The following DPP10 variants were observed in gnomAD, a reference collection of about 807,000 sequenced individuals.
DPP10 encodes dipeptidyl peptidase like 10, also known as inactive dipeptidyl peptidase 10.
Under a neutral mutation model 120.9 loss-of-function variants are expected in DPP10, and 33 were observed. That is an observed-to-expected ratio of 0.27 (90% CI 0.21 to 0.37). The LOEUF (loss-of-function observed/expected upper bound fraction) is 0.37, where lower values mean the gene tolerates loss of function less well. Ranked by LOEUF, DPP10 falls within the 10% of genes least tolerant of loss-of-function variation. The pLI is 1.00. For synonymous variants in DPP10, 337 were observed against 326.1 expected, an observed-to-expected ratio of 1.03 and a Z score of -0.36; for missense variants, 816 against 942.8, an observed-to-expected ratio of 0.87 and a Z score of 1.76.
At chr2:115,258,010 C>T (rs967271269) in intron 1 of DPP10, among the ~76,000 whole-genome samples, 1 of 152,052 alleles carries the variant, frequency 6.6e-6, no homozygotes, top group Non-Finnish European at 1.5e-5. Context: ...TTTCTCTTTT[C>T]CTCTACTCTT....
At chr2:115,424,603 G>A (rs1361693133) in intron 3 of DPP10, among the ~76,000 whole-genome samples, 4 of 151,882 alleles carry the variant, frequency 2.6e-5, no homozygotes, top group Admixed American at 1.3e-4. Flanking sequence ...GTTTGCCTCA[G>A]TTTTATATTT....
chr2:115,313,412 G>T (rs188345000), intron 2 of DPP10, among the ~76,000 whole-genome samples: 1 of 152,232 alleles, frequency 6.6e-6, no homozygotes, highest in African/African-American at 2.4e-5. Flanking sequence ...ATTAATAACA[G>T]CTACCAATGA....
chr2:115,335,352 C>T (rs1342885920), intron 2 of DPP10, among the ~76,000 whole-genome samples: 1 of 151,634 alleles, frequency 6.6e-6, no homozygotes, highest in African/African-American at 2.4e-5. Context: ...TTTTAATGTA[C>T]ATTAAAAACT....
chr2:114,851,668 G>A (rs533614592), intron 1 of DPP10, among the ~76,000 whole-genome samples: 1 of 152,260 alleles, frequency 6.6e-6, no homozygotes, highest in South Asian at 2.1e-4. Context: ...TAGTAACACA[G>A]CAATTTATAC....
intron 1 of DPP10, among the ~76,000 whole-genome samples, chr2:114,643,757 GTTTA>G (rs1209800964): frequency 6.6e-6 from 1 of 151,388 alleles, no homozygotes; most frequent in African/African-American, 2.4e-5. Context: ...TAGTTTGTTT[GTTTA>G]TTTATTTATT....
In DPP10 at chr2:115,799,299, A is replaced by C. The variant is rs192787717; in HGVS notation, c.1700+7943A>C. ...AAACATGCTGCATCTTTGGGAATTA[A>C]AAGTGTTGAAAATTATATTGATACA... On this transcript the variant is annotated intron_variant, in intron 19 of 25. Coordinates refer to ENST00000410059, the MANE Select transcript of DPP10 (RefSeq NM_020868.6). Among the ~76,000 whole-genome samples the C allele has an allele frequency of 1.2e-4, 19 of 152,204 alleles. No individual in the cohort carries two copies. In the East Asian group the frequency reaches 3.5e-3, roughly 28 times the overall value.
At chr2:114,566,866 G>T (rs1037323576) in intron 1 of DPP10, among the ~76,000 whole-genome samples, 2 of 152,174 alleles carry the variant, frequency 1.3e-5, no homozygotes, top group African/African-American at 4.8e-5. Context: ...ATTTAGGTTA[G>T]ATTTGTAAGA....
At chr2:114,498,550 A>C (rs531921553) in intron 1 of DPP10, among the ~76,000 whole-genome samples, 1 of 152,324 alleles carries the variant, frequency 6.6e-6, no homozygotes, top group South Asian at 2.1e-4. Context: ...CAGGCTGGGA[A>C]GTCCAAGGTA....
At chr2:114,856,460 C>T (rs557622729) in intron 1 of DPP10, among the ~76,000 whole-genome samples, 1 of 152,194 alleles carries the variant, frequency 6.6e-6, no homozygotes, top group East Asian at 1.9e-4. Flanking sequence ...CTGTGACAAG[C>T]ATGAGAATTT....
At chr2:115,391,887 T>C (rs1163290301) in intron 3 of DPP10, among the ~76,000 whole-genome samples, 2 of 152,096 alleles carry the variant, frequency 1.3e-5, no homozygotes, top group African/African-American at 4.8e-5. Flanking sequence ...TCAGTGTAAG[T>C]AGATCTTGGG....
intron 19 of DPP10, among the ~76,000 whole-genome samples, chr2:115,792,261 T>A (rs574817729): frequency 6.6e-6 from 1 of 152,262 alleles, no homozygotes; most frequent in Non-Finnish European, 1.5e-5. Flanking sequence ...ACCTGTGTTT[T>A]AAGACTGCTT....
intron 5 of DPP10, among the ~76,000 whole-genome samples, chr2:115,624,595 A>G (rs944951269): frequency 6.6e-6 from 1 of 152,214 alleles, no homozygotes; most frequent in Non-Finnish European, 1.5e-5. Flanking sequence ...TTGCGTGAAT[A>G]ACTGCCCCAC....
At chr2:114,485,780 C>G (rs146549522) in intron 1 of DPP10, among the ~76,000 whole-genome samples, 47 of 152,202 alleles carry the variant, frequency 3.1e-4, no homozygotes, top group African/African-American at 1.1e-3. Context: ...TTACTAAACT[C>G]TCAATCCTAC....
intron 3 of DPP10, among the ~76,000 whole-genome samples, chr2:115,427,832 C>T (rs1275452716): frequency 7.9e-5 from 12 of 152,216 alleles, no homozygotes; most frequent in Non-Finnish European, 1.3e-4. Context: ...AGCCAGGCTG[C>T]ACATTTTCCA....
At chr2:115,295,772 T>C (rs1395118699) in intron 1 of DPP10, among the ~76,000 whole-genome samples, 3 of 152,082 alleles carry the variant, frequency 2.0e-5, no homozygotes, top group Non-Finnish European at 2.9e-5. Flanking sequence ...TTTATGATAT[T>C]AGATTTCTGT....
rs1477042524 is a variant in DPP10 at position 114,838,306 on chromosome 2, T to A, written c.60+395468T>A. On this transcript the variant is annotated intron_variant, in intron 1 of 25. Coordinates refer to ENST00000410059, the MANE Select transcript of DPP10 (RefSeq NM_020868.6). ...GTTCACCTAATTCTTAAGTCTTGTT[T>A]TTATTTATTTTATTATTTATTTATT... Among the ~76,000 whole-genome samples, 16 of 152,134 alleles carry A rather than the reference T, an allele frequency of 1.1e-4. 1 individual carries two copies. The highest frequency in any genetic ancestry group is 4.4e-5 in the Non-Finnish European group (3 of 68,020).
chr2:115,668,781 T>C (rs975707848), intron 5 of DPP10, among the ~76,000 whole-genome samples: 2 of 152,176 alleles, frequency 1.3e-5, no homozygotes, highest in African/African-American at 2.4e-5. Context: ...GGCTGTAGAC[T>C]GTTTTGTATT....
chr2:114,554,844 A>AT (rs1270914077), intron 1 of DPP10, among the ~76,000 whole-genome samples: 1 of 152,102 alleles, frequency 6.6e-6, no homozygotes, highest in African/African-American at 2.4e-5. Flanking sequence ...TGCTTTTCTG[A>AT]TTAATCCCTT....
intron 21 of DPP10, among the ~76,000 whole-genome samples, chr2:115,823,475 T>C (rs1209475227): frequency 6.6e-6 from 1 of 152,206 alleles, no homozygotes; most frequent in Non-Finnish European, 1.5e-5. Flanking sequence ...TTTAGACCCA[T>C]TGTGGATTTT....
Sources: gnomAD v4.1 joint callset for allele counts (sites outside exome capture counted in the v4.1 genomes callset) on GRCh38, gnomAD v4.1.1 for gene constraint, MANE v1.5 for transcripts, NCBI Gene and HGNC (gene_info 2026-07-23, HGNC 2026-07-21) for gene names.